IMMP2L: variants seen among roughly 807,000 people sequenced by gnomAD.
IMMP2L encodes the protein mitochondrial inner membrane protease subunit 2.
In IMMP2L, 18 loss-of-function variants were observed where a neutral mutation model predicts 19.3. The ratio of observed to expected loss-of-function variants is 0.93; its 90% CI spans 0.64 to 1.38. IMMP2L has a LOEUF of 1.38. Among genes scored for constraint, IMMP2L ranks in the 40% most tolerant of loss-of-function variants. The probability of loss-of-function intolerance (pLI) is 0.00; values close to 1 mark genes in which losing one functional copy is unlikely to be tolerated. For missense variants in IMMP2L, 233 were observed against 218.2 expected (o/e 1.07, Z -0.43); for synonymous variants, 76 against 73.0 (o/e 1.04, Z -0.21).
chr7:111,263,889 G>A (rs1252967966), intron 3 of IMMP2L, among the ~76,000 whole-genome samples: 3 of 152,110 alleles, frequency 2.0e-5, no homozygotes, highest in Non-Finnish European at 4.4e-5. Context: ...AAAGAAAAAC[G>A]AGGATTAAAA....
chr7:110,756,826 T>C (rs997733081), intron 5 of IMMP2L, among the ~76,000 whole-genome samples: 3 of 152,142 alleles, frequency 2.0e-5, no homozygotes, highest in Non-Finnish European at 4.4e-5. Context: ...TGGCTTGCAC[T>C]TAGCTTTCAG....
intron 5 of IMMP2L, among the ~76,000 whole-genome samples, chr7:110,730,568 G>A (rs1317366952): frequency 1.4e-5 from 2 of 147,832 alleles, no homozygotes; most frequent in East Asian, 2.0e-4. Context: ...TCGCTCTGTT[G>A]CCCAGGCTGG....
intron 3 of IMMP2L, among the ~76,000 whole-genome samples, chr7:111,222,153 G>A (rs1812584190): frequency 6.6e-6 from 1 of 152,026 alleles, no homozygotes; most frequent in South Asian, 2.1e-4. Context: ...AAAGCAAGAT[G>A]TGTAGATATA....
At chr7:110,761,291 A>G (rs1798334845) in intron 5 of IMMP2L, among the ~76,000 whole-genome samples, 1 of 152,110 alleles carries the variant, frequency 6.6e-6, no homozygotes, top group South Asian at 2.1e-4. Flanking sequence ...CTCTTTATCT[A>G]CCTCACATCA....
At chr7:111,452,440 A>G (rs1839291964) in intron 3 of IMMP2L, among the ~76,000 whole-genome samples, 1 of 152,166 alleles carries the variant, frequency 6.6e-6, no homozygotes, top group Non-Finnish European at 1.5e-5. Flanking sequence ...AAATGCTACC[A>G]AAATCCTTCA....
At chr7:110,918,452 CTTTTTTT>C (rs1029668134) in intron 4 of IMMP2L, among the ~76,000 whole-genome samples, 1 of 130,486 alleles carries the variant, frequency 7.7e-6, no homozygotes, top group South Asian at 2.4e-4. Flanking sequence ...TTCTTTTTTT[CTTTTTTT>C]TTTTTTTTTT....
intron 2 of IMMP2L, among the ~76,000 whole-genome samples, chr7:111,503,792 A>G (rs1249129764): frequency 6.6e-6 from 1 of 152,186 alleles, no homozygotes; most frequent in Non-Finnish European, 1.5e-5. Flanking sequence ...AAAAACTCTC[A>G]ATAAATTAGA....
chr7:111,018,319 C>T lies in IMMP2L; in HGVS notation c.240-54754G>A, dbSNP rs1416407892. Reference sequence around the variant, plus strand: ...GGGACAAGTGTTAGCGGCTCTGTGGCGCAAGTGTTAATACTGATTGCAAAT... The same window carrying T: ...GGGACAAGTGTTAGCGGCTCTGTGGTGCAAGTGTTAATACTGATTGCAAAT... On this transcript the variant is annotated intron_variant, in intron 3 of 5. Transcript: ENST00000405709. Among the ~76,000 whole-genome samples the T allele has an allele frequency of 2.0e-5, 3 of 152,032 alleles. No individual in the cohort carries two copies. The East Asian group carries it at 5.8e-4, about 29-fold the overall frequency.
chr7:111,482,369 G>A lies in IMMP2L; in HGVS notation c.239+4869C>T, dbSNP rs566408499. On this transcript the variant is annotated intron_variant, in intron 3 of 5. Coordinates refer to ENST00000405709, the MANE Select transcript of IMMP2L (RefSeq NM_032549.4). ...TTACTTACAGGCATGCTCATTCAAT[G>A]AGAATTCCCTCACACCAACCTTCTA... 1.2e-4 allele frequency among the ~76,000 whole-genome samples: 19 copies of A among 152,214 alleles called. No individual in the cohort carries two copies. The South Asian group carries it at 2.5e-3, about 20-fold the overall frequency.
At chr7:111,507,093 G>C (rs1844986421) in intron 2 of IMMP2L, among the ~76,000 whole-genome samples, 1 of 152,024 alleles carries the variant, frequency 6.6e-6, no homozygotes, top group Non-Finnish European at 1.5e-5. Flanking sequence ...TTCAAGCCTT[G>C]GCCTCCCCAA....
At chr7:111,063,616 T>C (rs570802417) in intron 3 of IMMP2L, among the ~76,000 whole-genome samples, 1 of 152,318 alleles carries the variant, frequency 6.6e-6, no homozygotes, top group East Asian at 1.9e-4. Flanking sequence ...CAAAACTGAA[T>C]GCCTTTAACA....
rs1440613007 is a variant in IMMP2L, at chr7:110,663,498, C to T, written c.*104G>A. On this transcript the variant is annotated 3_prime_UTR_variant, in exon 6 of 6. Transcript: ENST00000405709. ...TAATGTGCTGTAAATATTTCTCGCA[C>T]AGCATCATATTGTCAGAAGTTTTTC... 1 of 904,794 alleles carries T rather than the reference C, an allele frequency of 1.1e-6. No individual in the cohort carries two copies. The highest frequency in any genetic ancestry group is 1.4e-5 in the South Asian group (1 of 70,748). The allele number at this position is 904,794 out of a possible 1,614,324, so 56.0% of individuals were successfully genotyped here.
chr7:110,717,842 C>A (rs1168951813), intron 5 of IMMP2L, among the ~76,000 whole-genome samples: 1 of 152,110 alleles, frequency 6.6e-6, no homozygotes, highest in African/African-American at 2.4e-5. Flanking sequence ...CCGCTTTCAC[C>A]TTCAAAAATA....
Position 111,105,504 on chromosome 7 carries a change from G to A in IMMP2L, c.240-141939C>T, listed in dbSNP as rs529174888. ...CTTACTGACGGACAATTTACATCTG[G>A]TTTGCTCCCTTATTCTGCAAATCAC... On this transcript the variant is annotated intron_variant, in intron 3 of 5. Coordinates refer to ENST00000405709, the MANE Select transcript of IMMP2L (RefSeq NM_032549.4). Among the ~76,000 whole-genome samples, 4 of 151,964 alleles carry A rather than the reference G, an allele frequency of 2.6e-5. No homozygotes were observed. The East Asian group carries it at 7.7e-4, about 29-fold the overall frequency.
chr7:111,556,523 T>A (rs1330590090), intron 1 of IMMP2L, among the ~76,000 whole-genome samples: 1 of 152,086 alleles, frequency 6.6e-6, no homozygotes, highest in Non-Finnish European at 1.5e-5. Flanking sequence ...TCCAGCCCCC[T>A]TCAGCCTCAT....
intron 3 of IMMP2L, among the ~76,000 whole-genome samples, chr7:111,279,938 T>G (rs1819515705): frequency 6.6e-6 from 1 of 152,172 alleles, no homozygotes; most frequent in Non-Finnish European, 1.5e-5. Flanking sequence ...TCTTTAATGC[T>G]GACTAACCCA....
At chr7:110,730,201 C>T (rs1440739382) in intron 5 of IMMP2L, among the ~76,000 whole-genome samples, 1 of 152,060 alleles carries the variant, frequency 6.6e-6, no homozygotes, top group Non-Finnish European at 1.5e-5. Context: ...AGGAAATTAA[C>T]ATTTGAGTCA....
chr7:110,665,216 G>C (rs1257097354), intron 5 of IMMP2L, among the ~76,000 whole-genome samples: 2 of 152,040 alleles, frequency 1.3e-5, no homozygotes, highest in Non-Finnish European at 2.9e-5. Context: ...ACAAAAAACA[G>C]CTCCATCAAA....
intron 3 of IMMP2L, among the ~76,000 whole-genome samples, chr7:111,296,974 C>T (rs1428880608): frequency 1.3e-5 from 2 of 151,934 alleles, no homozygotes; most frequent in South Asian, 2.1e-4. Context: ...ATATAATATT[C>T]TCTAAATGGC....
Sources: allele counts gnomAD v4.1 joint callset (sites outside exome capture counted in the v4.1 genomes callset), GRCh38; gene constraint gnomAD v4.1.1; transcripts MANE v1.5; gene names NCBI Gene and HGNC (gene_info 2026-07-23, HGNC 2026-07-21).